The following SPACA7 variants were observed in gnomAD, a reference collection of about 807,000 sequenced individuals.
SPACA7 encodes sperm acrosome associated 7.
SPACA7 carries 19 observed loss-of-function variants against 26.3 expected under a neutral mutation model. That is an observed-to-expected ratio of 0.72 (90% CI 0.50 to 1.06). The LOEUF is 1.06. SPACA7 is among the 50% of genes least tolerant of loss of function. SPACA7 has a pLI of 0.00. For missense variants in SPACA7, 211 were observed against 229.9 expected (o/e 0.92, Z 0.53); for synonymous variants, 84 against 84.5 (o/e 0.99, Z 0.04).
chr13:112,407,726 A>G (rs1594292147), intron 5 of SPACA7, among the ~76,000 whole-genome samples: 2 of 152,354 alleles, frequency 1.3e-5, no homozygotes, highest in East Asian at 3.9e-4. Flanking sequence ...GCAATAATTA[A>G]TAGCCTACCA....
At chr13:112,422,027 G>C (rs565662884) in intron 5 of SPACA7, among the ~76,000 whole-genome samples, 1 of 152,188 alleles carries the variant, frequency 6.6e-6, no homozygotes, top group African/African-American at 2.4e-5. Flanking sequence ...TTAATTGCTG[G>C]ATGATGAAAT....
At chr13:112,397,734 A>C (rs1885368769) in intron 2 of SPACA7, among the ~76,000 whole-genome samples, 1 of 152,174 alleles carries the variant, frequency 6.6e-6, no homozygotes, top group Admixed American at 6.5e-5. Context: ...GGACAGAGGG[A>C]CCCAGGGCAG....
chr13:112,406,072 A>G (rs1183050589), intron 5 of SPACA7, among the ~76,000 whole-genome samples: 1 of 152,002 alleles, frequency 6.6e-6, no homozygotes, highest in Admixed American at 6.5e-5. Flanking sequence ...TTTTTCTTCA[A>G]TTTTTAAAAT....
intron 6 of SPACA7, among the ~76,000 whole-genome samples, chr13:112,433,407 G>A (rs891591875): frequency 6.7e-6 from 1 of 148,728 alleles, no homozygotes; most frequent in Admixed American, 6.8e-5. Context: ...CTAGGCTCTG[G>A]GGTTTCTACA....
At chr13:112,383,148 AG>A (rs1459903936) in intron 1 of SPACA7, among the ~76,000 whole-genome samples, 45 of 120,872 alleles carry the variant, frequency 3.7e-4, no homozygotes, top group South Asian at 1.6e-3. Flanking sequence ...AAAGAAAGAA[AG>A]AAAGAAAGAA....
At chr13:112,399,200 TC>T (rs1405067788) in intron 4 of SPACA7, 27 bp downstream of exon 4, 3 of 1,210,088 alleles carry the variant, frequency 2.5e-6, no homozygotes, top group African/African-American at 3.0e-5. Context: ...AATTACCCCT[TC>T]CCAAGTCCAG....
At chr13:112,405,977 G>C (rs1159449935) in intron 5 of SPACA7, among the ~76,000 whole-genome samples, 1 of 152,060 alleles carries the variant, frequency 6.6e-6, no homozygotes, top group African/African-American at 2.4e-5. Flanking sequence ...CTATCTCTCT[G>C]CTTTCATATT....
chr13:112,403,882 C>T (rs1287757822), intron 5 of SPACA7, among the ~76,000 whole-genome samples: 1 of 152,188 alleles, frequency 6.6e-6, no homozygotes, highest in African/African-American at 2.4e-5. Flanking sequence ...CTGTGATAAG[C>T]ATGTATGTGC....
chr13:112,423,234 A>G (rs1876168659), intron 5 of SPACA7, among the ~76,000 whole-genome samples: 1 of 152,208 alleles, frequency 6.6e-6, no homozygotes. Context: ...GCAAATGGGA[A>G]AGGGTTAATT....
intron 5 of SPACA7, among the ~76,000 whole-genome samples, chr13:112,409,686 G>C (rs1411479440): frequency 1.3e-5 from 2 of 152,218 alleles, no homozygotes; most frequent in Admixed American, 1.3e-4. Flanking sequence ...ACACCAGTTA[G>C]AATAGTGATC....
chr13:112,383,064 CAGAAAG>C (rs1430884422), intron 1 of SPACA7, among the ~76,000 whole-genome samples: 2 of 52,954 alleles, frequency 3.8e-5, no homozygotes, highest in Non-Finnish European at 7.8e-5. Flanking sequence ...AAGAAAGAGA[CAGAAAG>C]AGAAAGAAAG....
At chr13:112,383,064 C>G (rs9604307) in intron 1 of SPACA7, among the ~76,000 whole-genome samples, 824 of 52,106 alleles carry the variant, frequency 0.016, 4 homozygotes, top group African/African-American at 0.055. Flanking sequence ...AAGAAAGAGA[C>G]AGAAAGAGAA....
At chr13:112,405,033 A>C (rs1000157949) in intron 5 of SPACA7, among the ~76,000 whole-genome samples, 1 of 128,820 alleles carries the variant, frequency 7.8e-6, no homozygotes, top group African/African-American at 3.1e-5. Flanking sequence ...CCCAGGCAGG[A>C]GTGCAGTGGC....
chr13:112,391,527 C>T (rs1049283071), intron 1 of SPACA7, among the ~76,000 whole-genome samples: 12 of 152,124 alleles, frequency 7.9e-5, no homozygotes, highest in Non-Finnish European at 1.5e-4. Flanking sequence ...AGCGTGTGCA[C>T]GATGTAAATA....
At chr13:112,388,897 G>A (rs569087310) in intron 1 of SPACA7, among the ~76,000 whole-genome samples, 18 of 152,228 alleles carry the variant, frequency 1.2e-4, no homozygotes, top group Admixed American at 3.3e-4. Context: ...TTTGCACTAA[G>A]TCAGTTCCTG....
At chr13:112,415,744 C>A (rs1886650502) in intron 5 of SPACA7, among the ~76,000 whole-genome samples, 1 of 152,184 alleles carries the variant, frequency 6.6e-6, no homozygotes, top group Admixed American at 6.5e-5. Context: ...CACCCAAGGA[C>A]TGTGGTCACT....
chr13:112,395,109 C>T (rs9577355), intron 2 of SPACA7, among the ~76,000 whole-genome samples: 16,495 of 152,180 alleles, frequency 0.11, 2,124 homozygotes, highest in African/African-American at 0.3. Context: ...GTCACCATCA[C>T]GTGCAATTTC....
At chr13:112,422,698 T>C (rs892410462) in intron 5 of SPACA7, among the ~76,000 whole-genome samples, 2 of 152,216 alleles carry the variant, frequency 1.3e-5, no homozygotes, top group African/African-American at 4.8e-5. Context: ...AATAACCCAA[T>C]GCGCAAAGAA....
At chr13:112,387,277 T>C (rs1159258096) in intron 1 of SPACA7, among the ~76,000 whole-genome samples, 1 of 152,176 alleles carries the variant, frequency 6.6e-6, no homozygotes, top group African/African-American at 2.4e-5. Context: ...GATCACAAGG[T>C]TAAGCTCTTA....
Sources: gnomAD v4.1 joint callset for allele counts (sites outside exome capture counted in the v4.1 genomes callset) on GRCh38, gnomAD v4.1.1 for gene constraint, MANE v1.5 for transcripts, NCBI Gene and HGNC (gene_info 2026-07-23, HGNC 2026-07-21) for gene names.